Variants in ADCY8 observed in about 807,000 individuals in gnomAD.
ADCY8 encodes adenylate cyclase type 8.
In ADCY8, 51 loss-of-function variants were observed where a neutral mutation model predicts 119.7. The ratio of observed to expected loss-of-function variants is 0.43; its 90% CI spans 0.34 to 0.54. ADCY8 has a LOEUF of 0.54. ADCY8 is among the 20% of genes least tolerant of loss of function. The pLI, the probability that ADCY8 is intolerant of heterozygous loss-of-function variation, is 0.03. For synonymous variants in ADCY8, 665 were observed against 651.0 expected (o/e 1.02, Z -0.33); for missense variants, 1,383 against 1,598.8 (o/e 0.87, Z 2.30).
At chr8:130,970,505 A>G (rs1821892491) in intron 2 of ADCY8, among the ~76,000 whole-genome samples, 1 of 152,234 alleles carries the variant, frequency 6.6e-6, no homozygotes, top group Non-Finnish European at 1.5e-5. Context: ...GGTGACTCAT[A>G]TAATTATTTC....
intron 5 of ADCY8, among the ~76,000 whole-genome samples, chr8:130,933,377 T>C (rs1168743897): frequency 6.6e-6 from 1 of 152,244 alleles, no homozygotes; most frequent in Non-Finnish European, 1.5e-5. Context: ...GATAAAGCTA[T>C]GTAACTGGCA....
chr8:130,846,816 CCTTT>C (rs1377510014), intron 11 of ADCY8, among the ~76,000 whole-genome samples: 15 of 80,768 alleles, frequency 1.9e-4, no homozygotes, highest in Non-Finnish European at 2.9e-4. Flanking sequence ...CCCTCCCCTC[CCTTT>C]CCTTCCTTCC....
Position 131,029,735 on chromosome 8 carries a change from C to T in ADCY8, c.960+9639G>A, listed in dbSNP as rs368031941. On this transcript the variant is annotated intron_variant, in intron 1 of 17. Transcript: ENST00000286355. ...GCAAAAACTCAGCTGCAGCTTTCTGCTCAAAGTGCTTCAAGGGATAATTTC... is the reference window on the plus strand; with the variant it reads ...GCAAAAACTCAGCTGCAGCTTTCTGTTCAAAGTGCTTCAAGGGATAATTTC... Among the ~76,000 whole-genome samples the T allele has an allele frequency of 8.5e-5, 13 of 152,184 alleles. 1 individual carries two copies. In the East Asian group the frequency reaches 1.9e-3, roughly 23 times the overall value.
intron 8 of ADCY8, among the ~76,000 whole-genome samples, chr8:130,878,797 C>G (rs1818658474): frequency 6.6e-6 from 1 of 152,000 alleles, no homozygotes; most frequent in Admixed American, 6.6e-5. Flanking sequence ...AATTAAGAAT[C>G]AAGAGGAAAA....
intron 11 of ADCY8, among the ~76,000 whole-genome samples, chr8:130,845,861 A>G (rs1817279942): frequency 6.6e-6 from 1 of 152,170 alleles, no homozygotes; most frequent in Non-Finnish European, 1.5e-5. Flanking sequence ...GGAAGGATAG[A>G]AAGAAGAAGG....
At chr8:131,015,123 G>C (rs534217662) in intron 1 of ADCY8, among the ~76,000 whole-genome samples, 3 of 152,292 alleles carry the variant, frequency 2.0e-5, no homozygotes, top group South Asian at 4.1e-4. Flanking sequence ...TTGATAAAGA[G>C]CAGTTTCTTC....
chr8:130,916,452 G>A (rs1820132130), intron 5 of ADCY8, among the ~76,000 whole-genome samples: 1 of 152,196 alleles, frequency 6.6e-6, no homozygotes, highest in South Asian at 2.1e-4. Flanking sequence ...CCTGCCGTAT[G>A]AAACGTAGGG....
intron 12 of ADCY8, among the ~76,000 whole-genome samples, chr8:130,825,023 C>A (rs1816630875): frequency 6.6e-6 from 1 of 152,208 alleles, no homozygotes; most frequent in African/African-American, 2.4e-5. Flanking sequence ...TCCTTTTGTG[C>A]ATCCCAAAAC....
intron 14 of ADCY8, among the ~76,000 whole-genome samples, chr8:130,805,713 C>A (rs562797889): frequency 2.0e-5 from 3 of 152,304 alleles, no homozygotes; most frequent in Non-Finnish European, 4.4e-5. Context: ...TAAATGGGAA[C>A]CTTTAGCTCC....
At chr8:130,830,144 T>C (rs1816787243) in intron 12 of ADCY8, among the ~76,000 whole-genome samples, 1 of 152,154 alleles carries the variant, frequency 6.6e-6, no homozygotes, top group African/African-American at 2.4e-5. Context: ...ATGGAAGTCT[T>C]CAGTAAGGTT....
intron 16 of ADCY8, among the ~76,000 whole-genome samples, chr8:130,785,078 G>A (rs536290212): frequency 6.6e-6 from 1 of 152,176 alleles, no homozygotes; most frequent in Admixed American, 6.5e-5. Context: ...GCTAGTATTA[G>A]GGGTTTAGTA....
At chr8:131,032,925 C>T (rs1563775481) in intron 1 of ADCY8, among the ~76,000 whole-genome samples, 1 of 152,134 alleles carries the variant, frequency 6.6e-6, no homozygotes, top group Non-Finnish European at 1.5e-5. Flanking sequence ...ACTCTTTTGC[C>T]AACTGAGGTT....
intron 15 of ADCY8, among the ~76,000 whole-genome samples, chr8:130,799,985 G>T (rs896000961): frequency 6.6e-6 from 1 of 152,194 alleles, no homozygotes; most frequent in African/African-American, 2.4e-5. Context: ...GGAAGAAACC[G>T]CTATCTGTAG....
intron 1 of ADCY8, among the ~76,000 whole-genome samples, chr8:131,033,706 C>T (rs1037758973): frequency 3.9e-5 from 6 of 151,946 alleles, no homozygotes; most frequent in African/African-American, 1.4e-4. Context: ...TTTAATTGGT[C>T]ATTTCAGCAG....
In ADCY8 at chr8:130,807,547, TAC is replaced by T; in HGVS notation, c.2913+6520_2913+6521del. On this transcript the variant is annotated intron_variant, in intron 14 of 17. Transcript: ENST00000286355. ...GAGTGGATTTCTTCTTTCTGGCTCT[TAC>T]ACCATGTGGGGGCACAGAGTTTAAA... Among the ~76,000 whole-genome samples, 3 of 152,302 alleles carry T rather than the reference TAC, an allele frequency of 2.0e-5. No homozygotes were observed. The South Asian group carries it at 6.2e-4, about 32-fold the overall frequency.
intron 12 of ADCY8, among the ~76,000 whole-genome samples, chr8:130,828,509 C>G (rs767640627): frequency 6.6e-6 from 1 of 152,136 alleles, no homozygotes; most frequent in Non-Finnish European, 1.5e-5. Flanking sequence ...GACTGGAAAC[C>G]GCATGGTGTT....
At chr8:130,855,114 TCTC>T (rs144939959) in intron 9 of ADCY8, among the ~76,000 whole-genome samples, 23,248 of 107,854 alleles carry the variant, frequency 0.22, 2,137 homozygotes, top group Non-Finnish European at 0.28. Flanking sequence ...TCTCTCTCTC[TCTC>T]TTTTTTTTTT....
At chr8:130,870,391 C>A (rs1248867172) in intron 8 of ADCY8, among the ~76,000 whole-genome samples, 1 of 152,146 alleles carries the variant, frequency 6.6e-6, no homozygotes, top group African/African-American at 2.4e-5. Context: ...ATCACAGCAT[C>A]CTGGAGCTGT....
rs138046912 is a variant in ADCY8 at position 130,899,527 on chromosome 8, A to C, written c.1911+4245T>G. Among the ~76,000 whole-genome samples the C allele has an allele frequency of 9.1e-3, 1,377 of 152,082 alleles. 18 individuals carry two copies. The highest frequency in any genetic ancestry group is 0.032 in the African/African-American group (1,318 of 41,478). ...AGGCTGAGTTGGAAGAATCGCTGGA[A>C]CCCGGGAGGCGGAGGTTGCAGTGAG... On this transcript the variant is annotated intron_variant, in intron 7 of 17. Transcript: ENST00000286355.
Sources: gnomAD v4.1 joint callset for allele counts (sites outside exome capture counted in the v4.1 genomes callset) on GRCh38, gnomAD v4.1.1 for gene constraint, MANE v1.5 for transcripts, NCBI Gene and HGNC (gene_info 2026-07-23, HGNC 2026-07-21) for gene names.